ITPRID1: variants seen among roughly 807,000 people sequenced by gnomAD.
The protein encoded by ITPRID1 is ITPR interacting domain containing 1, also known as protein ITPRID1.
A neutral mutation model predicts 95.4 loss-of-function variants in ITPRID1; 96 were observed. The ratio of observed to expected loss-of-function variants is 1.01; its 90% CI spans 0.85 to 1.19. ITPRID1 has a LOEUF of 1.19. Among genes scored for constraint, ITPRID1 ranks in the 50% most tolerant of loss-of-function variants. The probability of loss-of-function intolerance (pLI) is 0.00; values close to 1 mark genes in which losing one functional copy is unlikely to be tolerated. For missense variants in ITPRID1, 1,339 were observed against 1,252.9 expected (o/e 1.07, Z -1.04); for synonymous variants, 510 against 453.6 (o/e 1.12, Z -1.58).
chr7:31,652,620 C>T lies in ITPRID1; in HGVS notation c.2926C>T (p.His976Tyr), dbSNP rs1791063041. The T allele has an allele frequency of 5.0e-6, 8 of 1,613,486 alleles. No homozygotes were observed. The highest frequency in any genetic ancestry group is 5.9e-6 in the Non-Finnish European group (7 of 1,179,758). The change falls in exon 15 of 15, where the codon CAC (histidine) becomes TAC (tyrosine). Residue 976 changes from histidine (H) to tyrosine (Y), a missense_variant. Physicochemically the swap from His to Tyr is moderately conservative, Grantham distance 83 (BLOSUM62 2). Coordinates refer to ENST00000615280, the MANE Select transcript of ITPRID1 (RefSeq NM_001257967.3). Reference protein sequence around the residue: ...SNGQTSCSKIHPGMAPRTVFP... With the variant: ...SNGQTSCSKIYPGMAPRTVFP... ...TGGGCAGACTTCATGTTCTAAAATC[C>T]ACCCAGGCATGGCCCCGAGGACTGT...
chr7:31,526,755 G>A (rs1416387200), intron 1 of ITPRID1, among the ~76,000 whole-genome samples: 1 of 151,810 alleles, frequency 6.6e-6, no homozygotes, highest in Non-Finnish European at 1.5e-5. Context: ...CTCCCACATA[G>A]TTCTAAAATA....
At chr7:31,656,654 G>A (rs541162363), downstream of ITPRID1, among the ~76,000 whole-genome samples, 20 of 152,258 alleles carry the variant, frequency 1.3e-4, no homozygotes, top group South Asian at 1.7e-3. Flanking sequence ...GTAGAAGCAC[G>A]GTTATAGGTT....
chr7:31,581,938 A>G (rs1785419375), intron 9 of ITPRID1, among the ~76,000 whole-genome samples: 1 of 152,222 alleles, frequency 6.6e-6, no homozygotes, highest in African/African-American at 2.4e-5. Context: ...GAAGGATTAA[A>G]AAGAGAAATT....
At chr7:31,567,955 G>T (rs1249819693) in intron 5 of ITPRID1, among the ~76,000 whole-genome samples, 4 of 151,932 alleles carry the variant, frequency 2.6e-5, no homozygotes, top group African/African-American at 9.7e-5. Context: ...GTGAAACCCT[G>T]TCTCTACTAA....
At chr7:31,587,280 C>T (rs1339039658) in intron 10 of ITPRID1, among the ~76,000 whole-genome samples, 1 of 152,156 alleles carries the variant, frequency 6.6e-6, no homozygotes, top group Non-Finnish European at 1.5e-5. Context: ...TGATAAGCAA[C>T]TTCAGCAAAG....
chr7:31,558,777 G>T (rs541001295), intron 5 of ITPRID1, among the ~76,000 whole-genome samples: 1 of 152,070 alleles, frequency 6.6e-6, no homozygotes, highest in Non-Finnish European at 1.5e-5. Context: ...CTAGCATACC[G>T]CCAATGACAG....
rs754598668 is a variant in ITPRID1 at position 31,574,533 on chromosome 7, A to G, written c.396-7A>G. 7 of 1,610,894 alleles carry G rather than the reference A, an allele frequency of 4.3e-6. No homozygotes were observed. Among genetic ancestry groups the G allele is most frequent in the Non-Finnish European group, 5.9e-6 (7 of 1,177,374 alleles). ...CTGGATAAAGATATTCATATTTTTT[A>G]CCACAGCATTCCTGAATGGCTGGAA... On this transcript the variant is annotated splice_polypyrimidine_tract_variant and splice_region_variant and intron_variant, in intron 7 of 14. Coordinates refer to ENST00000615280, the MANE Select transcript of ITPRID1 (RefSeq NM_001257967.3).
At chr7:31,537,095 T>TTGTGTGTGTGTGTGTG (rs66543091) in intron 1 of ITPRID1, among the ~76,000 whole-genome samples, 46 of 145,674 alleles carry the variant, frequency 3.2e-4, no homozygotes, top group Admixed American at 7.5e-4. Flanking sequence ...GGTGTGTGTG[T>TTGTGTGTGTGTGTGTG]TGTGTGTGTG....
At chr7:31,577,240 C>A (rs1226952317) in intron 8 of ITPRID1, among the ~76,000 whole-genome samples, 1 of 152,212 alleles carries the variant, frequency 6.6e-6, no homozygotes, top group African/African-American at 2.4e-5. Flanking sequence ...GTGCTCATGA[C>A]AGATGTGAAA....
At chr7:31,518,029 G>A (rs1011755886) in intron 1 of ITPRID1, 2 of 152,378 alleles carry the variant, frequency 1.3e-5, no homozygotes, top group Admixed American at 1.3e-4. Flanking sequence ...ATCTTGAGAA[G>A]AAAAGATTAT....
chr7:31,647,342 T>TATAAGCAGAG (rs1790554861), intron 12 of ITPRID1, among the ~76,000 whole-genome samples: 1 of 151,996 alleles, frequency 6.6e-6, no homozygotes, highest in African/African-American at 2.4e-5. Context: ...AAGTGAAGAT[T>TATAAGCAGAG]ATAAGCAGAG....
At chr7:31,657,119 A>G (rs1791342435), downstream of ITPRID1, among the ~76,000 whole-genome samples, 1 of 720 alleles carries the variant, frequency 1.4e-3, no homozygotes, top group African/African-American at 5.3e-3. Flanking sequence ...ATATAAAATC[A>G]TATATATCAA....
At chr7:31,567,823 G>A (rs1474725243) in intron 5 of ITPRID1, among the ~76,000 whole-genome samples, 1 of 152,116 alleles carries the variant, frequency 6.6e-6, no homozygotes, top group Admixed American at 6.5e-5. Flanking sequence ...TGTATTCTGA[G>A]CTTAGTTAAG....
intron 10 of ITPRID1, among the ~76,000 whole-genome samples, chr7:31,634,675 G>A (rs1180971114): frequency 1.3e-5 from 2 of 152,162 alleles, no homozygotes; most frequent in African/African-American, 4.8e-5. Context: ...GGGGGAACCA[G>A]CAGTCTAAGG....
rs2128153240 is a variant in ITPRID1 at position 31,589,116 on chromosome 7, A to G, written c.1228+5925A>G. Among the ~76,000 whole-genome samples the G allele has an allele frequency of 1.3e-5, 2 of 152,142 alleles. 1 individual carries two copies. The highest frequency in any genetic ancestry group is 1.3e-4 in the Admixed American group (2 of 15,278). On this transcript the variant is annotated intron_variant, in intron 10 of 14. Transcript: ENST00000615280. The stretch of plus-strand genomic sequence containing the variant: ...ATGCTCACAATGAATGAAAAGATAG[A>G]AAATCTAAAAAAAAGAATTATAATA...
At chr7:31,583,433 C>G (rs984852404) in intron 10 of ITPRID1, among the ~76,000 whole-genome samples, 10 of 152,098 alleles carry the variant, frequency 6.6e-5, no homozygotes, top group African/African-American at 1.4e-4. Flanking sequence ...CAAGACCAGC[C>G]TGGCCAACCT....
Position 31,643,594 on chromosome 7 carries a change from C to G in ITPRID1, c.2224C>G (p.Pro742Ala), listed in dbSNP as rs762433334. 8 of 1,613,924 alleles carry G rather than the reference C, an allele frequency of 5.0e-6. No individual in the cohort carries two copies. In the Admixed American group the frequency reaches 1.0e-4, roughly 20 times the overall value. The change falls in exon 12 of 15, where the codon CCT becomes GCT. Residue 742 changes from proline to alanine, a missense_variant. Physicochemically the swap from Pro to Ala is conservative, Grantham distance 27. Coordinates refer to ENST00000615280, the MANE Select transcript of ITPRID1 (RefSeq NM_001257967.3). ...ATCTTTAGAATGCACTGTGTGTGATCCTGTTACCGCAACAGAAACAAGACT... is the reference window on the plus strand; with the variant it reads ...ATCTTTAGAATGCACTGTGTGTGATGCTGTTACCGCAACAGAAACAAGACT... ...GTSLECTVCD[P>A]VTATETRLGT...
chr7:31,583,077 A>G (rs781679863), intron 9 of ITPRID1, 57 bp from the exon 10 acceptor site: 4 of 1,267,454 alleles, frequency 3.2e-6, no homozygotes, highest in South Asian at 1.2e-5. Flanking sequence ...GTTGATTAAA[A>G]TAAGTGAATT....
At chr7:31,527,538 C>T (rs1262227850) in intron 1 of ITPRID1, among the ~76,000 whole-genome samples, 2 of 152,056 alleles carry the variant, frequency 1.3e-5, no homozygotes, top group African/African-American at 4.8e-5. Context: ...TTGTCATCTC[C>T]CTCAATGCCC....
Sources: allele counts gnomAD v4.1 joint callset (sites outside exome capture counted in the v4.1 genomes callset), GRCh38; gene constraint gnomAD v4.1.1; transcripts MANE v1.5; gene names NCBI Gene and HGNC (gene_info 2026-07-23, HGNC 2026-07-21).